Variants in CCDC192 observed in about 807,000 individuals in gnomAD.
CCDC192 encodes coiled-coil domain-containing protein 192.
intron 5 of CCDC192, among the ~76,000 whole-genome samples, chr5:127,826,198 A>C (rs1401254249): frequency 1.3e-5 from 2 of 152,182 alleles, no homozygotes; most frequent in African/African-American, 4.8e-5. Flanking sequence ...CACATCACTA[A>C]TATCAGAGAA....
At chr5:127,933,503 C>T (rs1330752702) in intron 6 of CCDC192, among the ~76,000 whole-genome samples, 1 of 152,218 alleles carries the variant, frequency 6.6e-6, no homozygotes, top group Non-Finnish European at 1.5e-5. Context: ...TTAACTCCCA[C>T]ACACCTCTCA....
At chr5:127,893,923 T>A (rs555491392) in intron 6 of CCDC192, among the ~76,000 whole-genome samples, 190 of 151,996 alleles carry the variant, frequency 1.3e-3, no homozygotes, top group African/African-American at 4.5e-3. Context: ...GAAAAAAAAA[T>A]TTCATTCCAA....
chr5:127,745,076 G>A (rs1753661154), intron 2 of CCDC192, among the ~76,000 whole-genome samples: 1 of 152,178 alleles, frequency 6.6e-6, no homozygotes, highest in East Asian at 1.9e-4. Context: ...TTCCTTGACT[G>A]CCGAGCCTTT....
intron 3 of CCDC192, among the ~76,000 whole-genome samples, chr5:127,779,558 G>A (rs1440051568): frequency 2.0e-5 from 3 of 152,128 alleles, no homozygotes; most frequent in African/African-American, 7.2e-5. Flanking sequence ...GCCTCCCAAA[G>A]TGCTGGGATT....
In CCDC192 at chr5:127,797,239, G is replaced by T. The variant is rs1757213031; in HGVS notation, c.354+5G>T. ...ATGGTTCTTGTGAAAGACCAGGTAT[G>T]TTGTAGAACAAAGTCATCTTTATTT... On this transcript the variant is annotated splice_donor_5th_base_variant and intron_variant, in intron 4 of 6. Coordinates refer to ENST00000514853, the MANE Select transcript of CCDC192 (RefSeq NM_001317938.2). 8 of 397,646 alleles carry T rather than the reference G, an allele frequency of 2.0e-5. No homozygotes were observed. The highest frequency in any genetic ancestry group is 3.1e-5 in the Non-Finnish European group (7 of 225,216). The allele number at this position is 397,646 out of a possible 1,614,324, so 24.6% of individuals were successfully genotyped here.
At chr5:127,753,968 G>A (rs1050077574) in intron 2 of CCDC192, among the ~76,000 whole-genome samples, 1 of 152,176 alleles carries the variant, frequency 6.6e-6, no homozygotes, top group Non-Finnish European at 1.5e-5. Context: ...ACCTTTTGGA[G>A]TAAGAATAAA....
intron 6 of CCDC192, among the ~76,000 whole-genome samples, chr5:127,923,470 C>G (rs1054408945): frequency 9.2e-5 from 14 of 151,988 alleles, no homozygotes; most frequent in Non-Finnish European, 2.1e-4. Flanking sequence ...CTCCGCCTCC[C>G]GGATTCACGC....
chr5:127,889,265 T>G (rs1472453405), intron 6 of CCDC192, among the ~76,000 whole-genome samples: 1 of 152,204 alleles, frequency 6.6e-6, no homozygotes, highest in Non-Finnish European at 1.5e-5. Flanking sequence ...TCTACAAGTC[T>G]TCTGTTGCCT....
intron 5 of CCDC192, among the ~76,000 whole-genome samples, chr5:127,808,653 CTACT>C (rs1757924037): frequency 6.6e-6 from 1 of 152,170 alleles, no homozygotes; most frequent in Non-Finnish European, 1.5e-5. Context: ...GCTCCATCCA[CTACT>C]TACTTTCAAC....
At chr5:127,738,780 A>G (rs1753194163) in intron 2 of CCDC192, among the ~76,000 whole-genome samples, 1 of 152,206 alleles carries the variant, frequency 6.6e-6, no homozygotes, top group Non-Finnish European at 1.5e-5. Context: ...TTTCAGCTCC[A>G]TCAGCTTCTT....
At chr5:127,911,709 T>C (rs1287369107) in intron 6 of CCDC192, among the ~76,000 whole-genome samples, 25 of 151,004 alleles carry the variant, frequency 1.7e-4, no homozygotes, top group African/African-American at 5.8e-4. Context: ...CTTTTTTTTT[T>C]TTTTTTTTTT....
chr5:127,704,499 G>A (rs1750849395), intron 1 of CCDC192, among the ~76,000 whole-genome samples: 1 of 152,088 alleles, frequency 6.6e-6, no homozygotes, highest in Non-Finnish European at 1.5e-5. Flanking sequence ...GCTTCGTTAA[G>A]TTTTAAAATG....
intron 5 of CCDC192, among the ~76,000 whole-genome samples, chr5:127,801,886 G>A (rs1273639423): frequency 6.6e-6 from 1 of 152,186 alleles, no homozygotes; most frequent in Non-Finnish European, 1.5e-5. Context: ...AAACACAGAA[G>A]CAAAGTAAAG....
chr5:127,928,719 C>G (rs1753933203), intron 6 of CCDC192, among the ~76,000 whole-genome samples: 1 of 152,042 alleles, frequency 6.6e-6, no homozygotes, highest in Non-Finnish European at 1.5e-5. Context: ...TTCCCATGCT[C>G]TACATTTTAT....
rs146921204 is a variant in CCDC192 at position 127,928,389 on chromosome 5, CCT to C, written c.536-12792_536-12791del. 5.8e-3 allele frequency among the ~76,000 whole-genome samples: 878 copies of C among 152,212 alleles called. 11 individuals are homozygous for C. Among genetic ancestry groups the C allele is most frequent in the African/African-American group, 0.02 (831 of 41,530 alleles). ...CACTTACATTCCTTGGCTTGTAGCC[CCT>C]GTCTCTGTGTTCAGAGCCAGCATTG... On this transcript the variant is annotated intron_variant, in intron 6 of 6. Coordinates refer to ENST00000514853, the MANE Select transcript of CCDC192 (RefSeq NM_001317938.2).
At chr5:127,828,210 T>A (rs188743841) in intron 5 of CCDC192, among the ~76,000 whole-genome samples, 6 of 152,340 alleles carry the variant, frequency 3.9e-5, no homozygotes, top group Non-Finnish European at 7.3e-5. Flanking sequence ...CCTGGCAATT[T>A]GCTAAGAATT....
chr5:127,913,096 T>A (rs1482697747), intron 6 of CCDC192, among the ~76,000 whole-genome samples: 1 of 152,194 alleles, frequency 6.6e-6, no homozygotes, highest in Non-Finnish European at 1.5e-5. Flanking sequence ...ACAAATGGTT[T>A]TGGGGTCAAG....
intron 2 of CCDC192, among the ~76,000 whole-genome samples, chr5:127,722,969 A>ATT (rs971608476): frequency 6.6e-6 from 1 of 151,194 alleles, no homozygotes; most frequent in Non-Finnish European, 1.5e-5. Flanking sequence ...CAAATCTTGG[A>ATT]TTTTTTTTTA....
intron 3 of CCDC192, among the ~76,000 whole-genome samples, chr5:127,791,757 A>G (rs1211475984): frequency 6.6e-6 from 1 of 152,236 alleles, no homozygotes; most frequent in African/African-American, 2.4e-5. Flanking sequence ...TGATTTCTAG[A>G]ATTATGAAAT....
Sources: gnomAD v4.1 joint callset for allele counts (sites outside exome capture counted in the v4.1 genomes callset) on GRCh38, gnomAD v4.1.1 for gene constraint, MANE v1.5 for transcripts, NCBI Gene and HGNC (gene_info 2026-07-23, HGNC 2026-07-21) for gene names.